The following SYNPR variants were observed in gnomAD, a reference collection of about 807,000 sequenced individuals.
SYNPR encodes the protein synaptoporin.
In SYNPR, 23 loss-of-function variants were observed where a neutral mutation model predicts 32.9. The ratio of observed to expected loss-of-function variants is 0.70; its 90% confidence interval spans 0.50 to 0.99. The LOEUF is 0.99. Ranked by LOEUF, SYNPR falls within the 50% of genes least tolerant of loss-of-function variation. The pLI, the probability that SYNPR is intolerant of heterozygous loss-of-function variation, is 0.00. For missense variants in SYNPR, 318 were observed against 349.3 expected (o/e 0.91, Z 0.71); for synonymous variants, 146 against 135.9 (o/e 1.07, Z -0.52).
chr3:63,246,665 G>T (rs1031599758), intron 1 of SYNPR, among the ~76,000 whole-genome samples: 7 of 152,020 alleles, frequency 4.6e-5, no homozygotes, highest in Admixed American at 3.9e-4. Flanking sequence ...GTATTTGGAG[G>T]AAGAGCATTC....
intron 2 of SYNPR, among the ~76,000 whole-genome samples, chr3:63,279,671 C>T (rs1385189416): frequency 6.6e-6 from 1 of 152,184 alleles, no homozygotes; most frequent in Non-Finnish European, 1.5e-5. Context: ...TGTCATGTAG[C>T]ATTAATCAGA....
At chr3:63,580,065 C>T (rs771165122) in intron 4 of SYNPR, among the ~76,000 whole-genome samples, 5 of 152,086 alleles carry the variant, frequency 3.3e-5, no homozygotes, top group African/African-American at 4.8e-5. Flanking sequence ...AATTCATCCT[C>T]GCAGCCATTT....
At chr3:63,270,850 C>A (rs1035244775) in intron 3 of SYNPR, among the ~76,000 whole-genome samples, 4 of 126,562 alleles carry the variant, frequency 3.2e-5, no homozygotes, top group South Asian at 3.2e-4. Context: ...AGAAAAAATT[C>A]TCTCCCTTCT....
At chr3:63,289,856 C>T (rs2086721336) in intron 2 of SYNPR, among the ~76,000 whole-genome samples, 2 of 152,120 alleles carry the variant, frequency 1.3e-5, no homozygotes, top group African/African-American at 2.4e-5. Flanking sequence ...TTCAGCCGGG[C>T]GCGGTGTCTC....
chr3:63,446,280 G>T (rs1480488317), intron 2 of SYNPR, among the ~76,000 whole-genome samples: 2 of 140,510 alleles, frequency 1.4e-5, no homozygotes, highest in African/African-American at 5.3e-5. Context: ...CTCCCACCAT[G>T]TTTTTTTTTT....
chr3:63,583,369 G>A (rs761578400), intron 4 of SYNPR, among the ~76,000 whole-genome samples: 8 of 152,078 alleles, frequency 5.3e-5, no homozygotes, highest in Non-Finnish European at 8.8e-5. Flanking sequence ...TTGGCTAAGA[G>A]GCCTGACATT....
chr3:63,217,951 T>A, the SYNPR span, among the ~76,000 whole-genome samples: 21 of 152,124 alleles, frequency 1.4e-4, no homozygotes, highest in Admixed American at 5.2e-4. Context: ...TCCTTATGTC[T>A]ATAAGGATTT....
chr3:63,495,503 C>T (rs1033608915), intron 3 of SYNPR, among the ~76,000 whole-genome samples: 3 of 152,126 alleles, frequency 2.0e-5, no homozygotes, highest in African/African-American at 7.2e-5. Flanking sequence ...CCAAGGTATG[C>T]TTGATTACCT....
intron 4 of SYNPR, among the ~76,000 whole-genome samples, chr3:63,594,991 C>T (rs115241262): frequency 4.2e-4 from 64 of 152,250 alleles, no homozygotes; most frequent in Non-Finnish European, 7.1e-4. Flanking sequence ...CACACAGACC[C>T]CAAGTAAGGG....
chr3:63,392,989 C>T (rs899461168), intron 2 of SYNPR, among the ~76,000 whole-genome samples: 27 of 152,068 alleles, frequency 1.8e-4, no homozygotes, highest in African/African-American at 6.3e-4. Context: ...CTGTACATAC[C>T]TATGGCCGTG....
intron 2 of SYNPR, among the ~76,000 whole-genome samples, chr3:63,411,823 G>A (rs2088470293): frequency 6.6e-6 from 1 of 152,108 alleles, no homozygotes; most frequent in South Asian, 2.1e-4. Context: ...GATCTATTAA[G>A]GATTTTGATC....
intron 3 of SYNPR, among the ~76,000 whole-genome samples, chr3:63,500,815 C>G (rs1701463553): frequency 6.6e-6 from 1 of 151,934 alleles, no homozygotes; most frequent in Non-Finnish European, 1.5e-5. Flanking sequence ...TTAAAAAGTC[C>G]CCAGAGAACT....
intron 2 of SYNPR, among the ~76,000 whole-genome samples, chr3:63,313,708 T>TATATATCCATAA: frequency 1.1e-5 from 1 of 88,784 alleles, no homozygotes; most frequent in Non-Finnish European, 2.1e-5. Context: ...TATATCCATA[T>TATATATCCATAA]ATATATATCC....
the SYNPR span, among the ~76,000 whole-genome samples, chr3:63,205,687 A>G: frequency 6.6e-6 from 1 of 152,176 alleles, no homozygotes; most frequent in Non-Finnish European, 1.5e-5. Context: ...TATTCAGCTG[A>G]TCTCTGAGAA....
chr3:63,599,927 A>G (rs1700014257), intron 4 of SYNPR, among the ~76,000 whole-genome samples: 1 of 152,234 alleles, frequency 6.6e-6, no homozygotes, highest in Non-Finnish European at 1.5e-5. Flanking sequence ...AAGCAATAAC[A>G]CAGGAGATAT....
intron 4 of SYNPR, among the ~76,000 whole-genome samples, chr3:63,572,618 T>C (rs1702907680): frequency 6.6e-6 from 1 of 152,184 alleles, no homozygotes; most frequent in South Asian, 2.1e-4. Flanking sequence ...AGAATCTTTA[T>C]TGGTTTGTGA....
At chr3:63,391,377 GA>G (rs1203373628) in intron 2 of SYNPR, among the ~76,000 whole-genome samples, 2 of 152,174 alleles carry the variant, frequency 1.3e-5, no homozygotes, top group Non-Finnish European at 2.9e-5. Flanking sequence ...GGCATCCACT[GA>G]GCATCAACTT....
At chr3:63,577,474 T>A (rs1398296797) in intron 4 of SYNPR, among the ~76,000 whole-genome samples, 1 of 151,994 alleles carries the variant, frequency 6.6e-6, no homozygotes, top group East Asian at 1.9e-4. Flanking sequence ...GAACTGTTTT[T>A]TTGGAAGGGA....
At chr3:63,406,724 G>A (rs916475416) in intron 2 of SYNPR, among the ~76,000 whole-genome samples, 2 of 152,124 alleles carry the variant, frequency 1.3e-5, no homozygotes, top group African/African-American at 2.4e-5. Context: ...ATCTTACAAC[G>A]AGGTCTCACT....
Sources: allele counts gnomAD v4.1 joint callset (sites outside exome capture counted in the v4.1 genomes callset), GRCh38; gene constraint gnomAD v4.1.1; transcripts MANE v1.5; gene names NCBI Gene and HGNC (gene_info 2026-07-23, HGNC 2026-07-21).